Variants in FKBP5 observed in about 807,000 individuals in gnomAD.
FKBP5 encodes FKBP prolyl isomerase 5.
In FKBP5, 23 loss-of-function variants were observed where a neutral mutation model predicts 50.5. The ratio of observed to expected loss-of-function variants is 0.46; its 90% confidence interval spans 0.33 to 0.65. FKBP5 has a LOEUF of 0.65. Ranked by LOEUF, FKBP5 falls within the 30% of genes least tolerant of loss-of-function variation. FKBP5 has a pLI of 0.02. For synonymous variants in FKBP5, 176 were observed against 190.6 expected (o/e 0.92, Z 0.63); for missense variants, 411 against 553.1 (o/e 0.74, Z 2.58).
intron 5 of FKBP5, 124 bp from the exon 6 acceptor site, chr6:35,597,528 G>GAC: frequency 8.8e-7 from 1 of 1,134,872 alleles, no homozygotes; most frequent in Non-Finnish European, 1.2e-6. Flanking sequence ...TTCATCAAGA[G>GAC]ACACACACAG....
At chr6:35,655,357 C>G (rs769964727) in intron 1 of FKBP5, among the ~76,000 whole-genome samples, 4 of 152,054 alleles carry the variant, frequency 2.6e-5, no homozygotes, top group Non-Finnish European at 5.9e-5. Context: ...AGGGTGAAGA[C>G]AGTAGGAATG....
intron 2 of FKBP5, among the ~76,000 whole-genome samples, chr6:35,699,132 C>T (rs886236071): frequency 6.6e-6 from 1 of 152,196 alleles, no homozygotes; most frequent in African/African-American, 2.4e-5. Context: ...ACTGGCCTTA[C>T]TCACACGGAA....
chr6:35,603,973 T>C (rs926317342), intron 5 of FKBP5, among the ~76,000 whole-genome samples: 3 of 152,152 alleles, frequency 2.0e-5, no homozygotes, highest in Non-Finnish European at 4.4e-5. Context: ...CCCAGAGTGC[T>C]GGGATTACAG....
chr6:35,636,611 C>T (rs188807716), intron 3 of FKBP5, among the ~76,000 whole-genome samples: 43 of 152,220 alleles, frequency 2.8e-4, no homozygotes, highest in African/African-American at 9.9e-4. Flanking sequence ...ATTTTTACTG[C>T]TTTATCAGGA....
At chr6:35,583,384 TAAAAC>T (rs528148996) in intron 8 of FKBP5, 20 of 985,444 alleles carry the variant, frequency 2.0e-5, no homozygotes, top group Admixed American at 1.2e-4. Flanking sequence ...AAGGCCATGG[TAAAAC>T]AAAACAAAAC....
At chr6:35,723,740 C>A (rs570291564) in intron 1 of FKBP5, among the ~76,000 whole-genome samples, 1 of 152,196 alleles carries the variant, frequency 6.6e-6, no homozygotes, top group South Asian at 2.1e-4. Context: ...AAATACATTA[C>A]GTCTGGGGTC....
chr6:35,607,370 C>CTT (rs113805586), intron 5 of FKBP5, among the ~76,000 whole-genome samples: 8 of 145,222 alleles, frequency 5.5e-5, no homozygotes, highest in African/African-American at 1.3e-4. Context: ...CATGCTTGGC[C>CTT]TTTTTTTTTT....
Position 35,658,688 on chromosome 6 carries a change from AACCT to A in FKBP5, c.-19-15849_-19-15846del, listed in dbSNP as rs1419127398. Among the ~76,000 whole-genome samples the A allele has an allele frequency of 6.8e-4, 14 of 20,678 alleles. 6 individuals are homozygous for A. The highest frequency in any genetic ancestry group is 3.7e-3 in the East Asian group (2 of 540). 13.6% of individuals were successfully genotyped at this position (20,678 alleles called of 152,430 possible). A position where few individuals can be genotyped will look rare whatever the true frequency, so the allele number is the denominator to read the frequency against. ...GACATTGGTTTTCAAATGTTAAACC[AACCT>A]TGGATACCTGGAATAAACCCTATTT... On this transcript the variant is annotated intron_variant, in intron 1 of 10. Coordinates refer to ENST00000357266, the MANE Select transcript of FKBP5 (RefSeq NM_004117.4).
intron 2 of FKBP5, among the ~76,000 whole-genome samples, chr6:35,711,609 C>A (rs1180812730): frequency 6.6e-6 from 1 of 151,324 alleles, no homozygotes; most frequent in African/African-American, 2.4e-5. Flanking sequence ...CAGAGCAAGA[C>A]TCCACTTCAA....
Position 35,660,514 on chromosome 6 carries a change from C to T in FKBP5, c.-19-17671G>A, listed in dbSNP as rs937239785. Among the ~76,000 whole-genome samples, 2 of 81,912 alleles carry T rather than the reference C, an allele frequency of 2.4e-5. 1 individual carries two copies. The highest frequency in any genetic ancestry group is 5.5e-5 in the Non-Finnish European group (2 of 36,058). 53.7% of individuals were successfully genotyped at this position (81,912 alleles called of 152,430 possible). On this transcript the variant is annotated intron_variant, in intron 1 of 10. Transcript: ENST00000357266. ...AACTCCCGAGCTCAGGTGATCCTCC[C>T]GCCTCGGCCTCCCAAAGTGCTGGGA...
intron 2 of FKBP5, among the ~76,000 whole-genome samples, chr6:35,718,224 C>T (rs945247241): frequency 6.6e-6 from 1 of 152,184 alleles, no homozygotes; most frequent in Admixed American, 6.5e-5. Context: ...GCAGAAACAA[C>T]TCGAGCAAAG....
chr6:35,585,271 T>G, intron 8 of FKBP5: 1 of 982,312 alleles, frequency 1.0e-6, no homozygotes, highest in East Asian at 1.1e-4. Flanking sequence ...CTTAAGAAAT[T>G]TTGTAGAAAC....
At chr6:35,670,132 T>G (rs1022369922) in intron 1 of FKBP5, among the ~76,000 whole-genome samples, 2 of 152,240 alleles carry the variant, frequency 1.3e-5, no homozygotes, top group African/African-American at 4.8e-5. Context: ...GACCTTAGTT[T>G]GTATCTTCAC....
chr6:35,608,182 C>T (rs1763385580), intron 5 of FKBP5, among the ~76,000 whole-genome samples: 1 of 151,968 alleles, frequency 6.6e-6, no homozygotes, highest in South Asian at 2.1e-4. Flanking sequence ...TGAGTATACA[C>T]AGACATAAAG....
At chr6:35,586,058 G>A in intron 8 of FKBP5, 1 of 985,124 alleles carries the variant, frequency 1.0e-6, no homozygotes, top group South Asian at 4.7e-5. Context: ...TCTAATTTCT[G>A]TATTGCAGTG....
intron 1 of FKBP5, among the ~76,000 whole-genome samples, chr6:35,650,654 T>C (rs1561877395): frequency 6.6e-6 from 1 of 151,952 alleles, no homozygotes; most frequent in Non-Finnish European, 1.5e-5. Flanking sequence ...TTTGTATTTT[T>C]AGTAGAGATG....
At chr6:35,576,656 G>A (rs1198168280) in intron 10 of FKBP5, among the ~76,000 whole-genome samples, 1 of 136,054 alleles carries the variant, frequency 7.4e-6, no homozygotes, top group East Asian at 2.6e-4. Flanking sequence ...GTGACAGAGT[G>A]AGACTCTGAC....
chr6:35,691,967 A>T (rs1388252444), upstream of FKBP5, among the ~76,000 whole-genome samples: 1 of 152,118 alleles, frequency 6.6e-6, no homozygotes, highest in Non-Finnish European at 1.5e-5. Flanking sequence ...CTTTCTCAAC[A>T]AAGGGCCCTG....
chr6:35,679,747 T>G (rs964050260), intron 1 of FKBP5, among the ~76,000 whole-genome samples: 25 of 152,096 alleles, frequency 1.6e-4, no homozygotes, highest in African/African-American at 6.0e-4. Flanking sequence ...TACAGAGTGA[T>G]ATAATGGATT....
Sources: allele counts gnomAD v4.1 joint callset (sites outside exome capture counted in the v4.1 genomes callset), GRCh38; gene constraint gnomAD v4.1.1; transcripts MANE v1.5; gene names NCBI Gene and HGNC (gene_info 2026-07-23, HGNC 2026-07-21).